DDX19B: variants seen among roughly 807,000 people sequenced by gnomAD.
The protein encoded by DDX19B is ATP-dependent RNA helicase DDX19B.
Under a neutral mutation model 58.1 loss-of-function variants are expected in DDX19B, and 27 were observed. That is an observed-to-expected ratio of 0.46 (90% CI 0.34 to 0.64). The LOEUF (loss-of-function observed/expected upper bound fraction) is 0.64. Among genes scored for constraint, DDX19B ranks in the 30% least tolerant of loss-of-function variants. The pLI is 0.01. For missense variants in DDX19B, 399 were observed against 596.5 expected (o/e 0.67, Z 3.45); for synonymous variants, 187 against 214.4 (o/e 0.87, Z 1.12).
upstream of DDX19B, among the ~76,000 whole-genome samples, chr16:70,292,153 T>C (rs1961073924): frequency 6.6e-6 from 1 of 151,798 alleles, no homozygotes. Flanking sequence ...CCCTTGTCTC[T>C]CTCTCTTTTT....
rs57279408 is a variant in DDX19B, at chr16:70,315,822, T to C, written c.161-147T>C. Reference sequence around the variant, plus strand: ...AACTTTTTTCTTTAATAAAACTATTTTAATTTATAAGTCAAAACTATGACG... The same window carrying C: ...AACTTTTTTCTTTAATAAAACTATTCTAATTTATAAGTCAAAACTATGACG... On this transcript the variant is annotated intron_variant, in intron 3 of 11. Transcript: ENST00000288071. 0.015 allele frequency: 17,756 copies of C among 1,147,624 alleles called. 2,086 individuals are homozygous for C. The African/African-American group carries it at 0.25, about 16-fold the overall frequency. 71.1% of individuals were successfully genotyped at this position (1,147,624 alleles called of 1,614,324 possible).
At chr16:70,298,344 T>C (rs1597460385), upstream of DDX19B, among the ~76,000 whole-genome samples, 1 of 151,976 alleles carries the variant, frequency 6.6e-6, no homozygotes, top group East Asian at 2.0e-4. Flanking sequence ...AGGTGGAGGT[T>C]GCAGTGAGCC....
intron 9 of DDX19B, among the ~76,000 whole-genome samples, chr16:70,330,489 G>A (rs1355224898): frequency 6.6e-6 from 1 of 152,168 alleles, no homozygotes; most frequent in East Asian, 1.9e-4. Flanking sequence ...TCAGGAGGCT[G>A]AAGCAGGAGA....
intron 9 of DDX19B, 81 bp from the exon 10 acceptor site, chr16:70,331,641 C>T (rs948824574): frequency 7.9e-6 from 12 of 1,512,626 alleles, no homozygotes; most frequent in East Asian, 7.0e-5. Flanking sequence ...GTATTTTAAT[C>T]GTGGCAAGCC....
In DDX19B at chr16:70,324,702, AT is replaced by A; in HGVS notation, c.492+18del. ...AATACCCCCAGGTAAGGATTTATGAATTTAGGTTTTCTACTAATGCATAGAT... is the reference window on the plus strand; with the variant it reads ...AATACCCCCAGGTAAGGATTTATGAATTAGGTTTTCTACTAATGCATAGAT... On this transcript the variant is annotated intron_variant, in intron 6 of 11. Transcript: ENST00000288071. 6.2e-7 allele frequency: 1 copy of A among 1,603,520 alleles called. No homozygotes were observed. The highest frequency in any genetic ancestry group is 8.5e-7 in the Non-Finnish European group (1 of 1,175,962).
At chr16:70,326,134 A>G (rs770831288) in intron 7 of DDX19B, among the ~76,000 whole-genome samples, 2 of 152,034 alleles carry the variant, frequency 1.3e-5, no homozygotes, top group Non-Finnish European at 1.5e-5. Flanking sequence ...TTCTCTCCCT[A>G]TTATATTTAA....
upstream of DDX19B, among the ~76,000 whole-genome samples, chr16:70,293,584 TG>T (rs1961113054): frequency 6.8e-6 from 1 of 146,804 alleles, no homozygotes; most frequent in African/African-American, 2.5e-5. Context: ...CTAAGTCAAA[TG>T]GGGATGGCTG....
intron 1 of DDX19B, among the ~76,000 whole-genome samples, chr16:70,312,319 A>G (rs1962136765): frequency 6.6e-6 from 1 of 152,216 alleles, no homozygotes; most frequent in Non-Finnish European, 1.5e-5. Flanking sequence ...ACAAAGAGAG[A>G]AAGTTTATAA....
intron 1 of DDX19B, among the ~76,000 whole-genome samples, chr16:70,301,694 CTCTTT>C (rs1258601305): frequency 6.7e-6 from 1 of 148,548 alleles, no homozygotes; most frequent in Non-Finnish European, 1.5e-5. Context: ...TTCTCTCTCT[CTCTTT>C]TTTTTTTTTT....
At position 70,316,068 on chromosome 16, in the gene DDX19B, C is replaced by T. The variant is rs1962384324; in HGVS notation, c.260C>T (p.Pro87Leu). Residue 87 changes from proline to leucine, a missense_variant, in exon 4 of 12, where the codon CCT (proline) becomes CTT (leucine). Pro to Leu is a moderately conservative substitution (Grantham distance 98). Transcript: ENST00000288071. ...VEVLQRDPNSPLYSVKSFEEL... is the reference protein window; with the variant it reads ...VEVLQRDPNSLLYSVKSFEEL... ...GTCCTGCAGCGGGATCCAAACTCCC[C>T]TCTGTACTCGGTGAAGTCTTTTGAA... The T allele has an allele frequency of 1.2e-6, 2 of 1,613,984 alleles. No individual in the cohort carries two copies. Among genetic ancestry groups the T allele is most frequent in the Non-Finnish European group, 8.5e-7 (1 of 1,180,038 alleles).
chr16:70,330,432 C>CA (rs1400075898), intron 9 of DDX19B, among the ~76,000 whole-genome samples: 3 of 151,982 alleles, frequency 2.0e-5, no homozygotes, highest in Admixed American at 2.0e-4. Context: ...ACTAAAAATA[C>CA]AAAAAATTAG....
chr16:70,303,283 G>A (rs1045276845), intron 1 of DDX19B, among the ~76,000 whole-genome samples: 1 of 152,096 alleles, frequency 6.6e-6, no homozygotes, highest in Non-Finnish European at 1.5e-5. Flanking sequence ...GAGTAGCTGG[G>A]ACCACAGGCA....
upstream of DDX19B, among the ~76,000 whole-genome samples, chr16:70,297,796 C>T (rs1050010730): frequency 4.6e-5 from 7 of 152,192 alleles, no homozygotes; most frequent in African/African-American, 1.7e-4. Flanking sequence ...ACACTGCTAA[C>T]TGCAGCCTCA....
intron 2 of DDX19B, 191 bp from the exon 3 acceptor site, chr16:70,314,711 T>G (rs1597478139): frequency 2.0e-6 from 1 of 500,980 alleles, no homozygotes; most frequent in East Asian, 5.4e-5. Flanking sequence ...TATATATATA[T>G]GTGAGCAACA....
At chr16:70,332,114 G>A (rs1963516632) in intron 10 of DDX19B, among the ~76,000 whole-genome samples, 1 of 152,192 alleles carries the variant, frequency 6.6e-6, no homozygotes, top group Non-Finnish European at 1.5e-5. Flanking sequence ...CATCTGACTG[G>A]TAGAGAACAG....
upstream of DDX19B, chr16:70,290,088 G>A (rs2152175787): frequency 3.6e-6 from 1 of 280,742 alleles, no homozygotes; most frequent in East Asian, 9.3e-5. Context: ...GGGGAGGAGG[G>A]TGAATATATA....
chr16:70,290,525 C>CAA (rs111776118), upstream of DDX19B, among the ~76,000 whole-genome samples: 7 of 145,648 alleles, frequency 4.8e-5, no homozygotes, highest in Admixed American at 1.4e-4. Context: ...GACTCCGTCT[C>CAA]AAAAAAAAAA....
rs566691698 is a variant in DDX19B at position 70,329,607 on chromosome 16, C to G, written c.785+138C>G. On this transcript the variant is annotated intron_variant, in intron 8 of 11. Transcript: ENST00000288071. Reference sequence around the variant, plus strand: ...GCAGCATTTGTTTGACGGGCCACTTCCGTGTCAGCGCTGGCCACAGTCCCT... The same window carrying G: ...GCAGCATTTGTTTGACGGGCCACTTGCGTGTCAGCGCTGGCCACAGTCCCT... 49 of 1,382,728 alleles carry G rather than the reference C, an allele frequency of 3.5e-5. No homozygotes were observed. In the East Asian group the frequency reaches 1.0e-3, roughly 30 times the overall value. 85.7% of individuals were successfully genotyped at this position (1,382,728 alleles called of 1,614,324 possible). A position where few individuals can be genotyped will look rare whatever the true frequency, so the allele number is the denominator to read the frequency against.
chr16:70,320,659 T>C (rs1008066450), intron 5 of DDX19B, among the ~76,000 whole-genome samples: 10 of 151,820 alleles, frequency 6.6e-5, no homozygotes, highest in African/African-American at 2.4e-4. Context: ...GATCAAGTAA[T>C]TCTCCTGCCT....
Sources: allele counts gnomAD v4.1 joint callset (sites outside exome capture counted in the v4.1 genomes callset), GRCh38; gene constraint gnomAD v4.1.1; transcripts MANE v1.5; gene names NCBI Gene and HGNC (gene_info 2026-07-23, HGNC 2026-07-21).